ERC2: variants seen among roughly 807,000 people sequenced by gnomAD.
ERC2 encodes ERC protein 2.
ERC2 carries 42 observed loss-of-function variants against 114.8 expected under a neutral mutation model. The observed-to-expected ratio is 0.37, with a 90% confidence interval of 0.29 to 0.47. ERC2 has a LOEUF of 0.47. ERC2 is among the 20% of genes least tolerant of loss of function. ERC2 has a pLI of 0.99. For synonymous variants in ERC2, 454 were observed against 425.5 expected (o/e 1.07, Z -0.82); for missense variants, 939 against 1,150.7 (o/e 0.82, Z 2.66).
At chr3:56,073,240 G>A (rs2076822258) in intron 7 of ERC2, among the ~76,000 whole-genome samples, 1 of 152,136 alleles carries the variant, frequency 6.6e-6, no homozygotes, top group Non-Finnish European at 1.5e-5. Flanking sequence ...TCAAGGCAGG[G>A]GGCCTAGAGA....
At chr3:56,082,854 AT>A (rs2077309200) in intron 6 of ERC2, among the ~76,000 whole-genome samples, 1 of 152,014 alleles carries the variant, frequency 6.6e-6, no homozygotes, top group South Asian at 2.1e-4. Flanking sequence ...GTGACACTAG[AT>A]TTTCATAGAA....
intron 15 of ERC2, among the ~76,000 whole-genome samples, chr3:55,706,022 T>C (rs1163571611): frequency 6.6e-6 from 1 of 152,050 alleles, no homozygotes; most frequent in East Asian, 1.9e-4. Flanking sequence ...CTTGAGGTCT[T>C]GCTTTGGCCA....
At chr3:56,364,871 C>T (rs1420039519) in intron 2 of ERC2, among the ~76,000 whole-genome samples, 2 of 152,186 alleles carry the variant, frequency 1.3e-5, no homozygotes, top group Non-Finnish European at 2.9e-5. Flanking sequence ...CCTCTGGCCA[C>T]ATGAATGTCT....
At chr3:55,553,786 A>G (rs765514473) in intron 17 of ERC2, among the ~76,000 whole-genome samples, 48 of 152,122 alleles carry the variant, frequency 3.2e-4, no homozygotes, top group Admixed American at 6.5e-4. Flanking sequence ...TCTCAAAAAA[A>G]AAAGAAATGG....
At chr3:56,250,988 G>A (rs560762132) in intron 3 of ERC2, among the ~76,000 whole-genome samples, 1 of 152,168 alleles carries the variant, frequency 6.6e-6, no homozygotes, top group African/African-American at 2.4e-5. Context: ...GAACATGAAG[G>A]AGACTTTAAG....
chr3:56,455,189 A>G (rs895161519), intron 1 of ERC2, among the ~76,000 whole-genome samples: 1 of 151,990 alleles, frequency 6.6e-6, no homozygotes, highest in Non-Finnish European at 1.5e-5. Flanking sequence ...AATGGTTACA[A>G]TGGTAAATTT....
chr3:55,910,018 G>A (rs2064705799), intron 13 of ERC2, among the ~76,000 whole-genome samples: 1 of 152,078 alleles, frequency 6.6e-6, no homozygotes, highest in African/African-American at 2.4e-5. Context: ...TATGTATTCA[G>A]GTTGTTTTTT....
chr3:55,847,493 G>A (rs1381551505), intron 14 of ERC2, among the ~76,000 whole-genome samples: 1 of 152,132 alleles, frequency 6.6e-6, no homozygotes, highest in African/African-American at 2.4e-5. Context: ...AATAAATCAC[G>A]ATGCCACAGA....
rs1381399665 is a variant in ERC2 at position 55,888,502 on chromosome 3, A to C, written c.2451T>G (p.Asp817Glu). The change falls in exon 14 of 18, where the codon GAT (aspartate) becomes GAG (glutamate). Residue 817 changes from aspartate (D) to glutamate (E), a missense_variant. Asp to Glu is a conservative substitution (Grantham distance 45, BLOSUM62 2). This residue lies in a region of ERC2 where 328 missense variants were observed against 353.9 expected (regional missense o/e 0.93). Transcript: ENST00000288221. ...NALEKTRQEL[D>E]ATKARLASTQ... ...TGGAGGCGAGGCGTGCTTTGGTGGC[A>C]TCCAGTTCCTGTCTGGTCTTCTCCA... 1.2e-6 allele frequency: 2 copies of C among 1,613,892 alleles called. No individual in the cohort carries two copies. Among genetic ancestry groups the C allele is most frequent in the Non-Finnish European group, 8.5e-7 (1 of 1,179,834 alleles).
intron 7 of ERC2, among the ~76,000 whole-genome samples, chr3:56,020,939 G>A (rs1449462116): frequency 6.6e-6 from 1 of 152,152 alleles, no homozygotes; most frequent in Non-Finnish European, 1.5e-5. Flanking sequence ...CTACTGGCAT[G>A]CAGGTAGGGG....
intron 1 of ERC2, among the ~76,000 whole-genome samples, chr3:56,442,369 A>G (rs530158287): frequency 6.6e-6 from 1 of 151,992 alleles, no homozygotes; most frequent in Admixed American, 6.5e-5. Flanking sequence ...ACAAGCGCAC[A>G]CCCCCTCGCC....
intron 6 of ERC2, among the ~76,000 whole-genome samples, chr3:56,110,496 T>A (rs1267915196): frequency 6.6e-6 from 1 of 152,176 alleles, no homozygotes; most frequent in Non-Finnish European, 1.5e-5. Context: ...GACAAAAAGT[T>A]AAATTTAAAA....
In ERC2 at chr3:55,718,894, CA is replaced by C. The variant is rs1248856984; in HGVS notation, c.2712+15876del. On this transcript the variant is annotated intron_variant, in intron 15 of 17. Coordinates refer to ENST00000288221, the MANE Select transcript of ERC2 (RefSeq NM_015576.3). ...TGGTTTGTTTCAAAGAACATGTTCT[CA>C]GCTAAAGCCTGATTCTTTCTTCCTG... Among the ~76,000 whole-genome samples the C allele has an allele frequency of 4.6e-5, 7 of 152,326 alleles. No homozygotes were observed. The South Asian group carries it at 1.0e-3, about 23-fold the overall frequency.
At chr3:56,089,549 G>C (rs996775359) in intron 6 of ERC2, among the ~76,000 whole-genome samples, 4 of 151,722 alleles carry the variant, frequency 2.6e-5, no homozygotes, top group Non-Finnish European at 4.4e-5. Flanking sequence ...AAAATATTGA[G>C]ATACTCTACA....
chr3:56,203,601 G>T (rs1560366136), intron 3 of ERC2, among the ~76,000 whole-genome samples: 1 of 152,132 alleles, frequency 6.6e-6, no homozygotes, highest in Non-Finnish European at 1.5e-5. Context: ...TATCTAAATT[G>T]TGTTTATGAC....
chr3:56,069,964 T>C (rs1560120730), intron 7 of ERC2, among the ~76,000 whole-genome samples: 1 of 152,230 alleles, frequency 6.6e-6, no homozygotes, highest in Non-Finnish European at 1.5e-5. Context: ...ATCAGAACAG[T>C]AGAAAAATGC....
At chr3:56,282,436 A>C (rs568232796) in intron 3 of ERC2, among the ~76,000 whole-genome samples, 1 of 152,314 alleles carries the variant, frequency 6.6e-6, no homozygotes, top group East Asian at 1.9e-4. Flanking sequence ...GAAAGAAGGA[A>C]AGGAATTGGG....
At chr3:55,614,430 C>T (rs2059041732) in intron 17 of ERC2, among the ~76,000 whole-genome samples, 2 of 152,136 alleles carry the variant, frequency 1.3e-5, no homozygotes, top group African/African-American at 2.4e-5. Context: ...TCACTACTCT[C>T]CAGTTCTGCA....
chr3:55,662,267 C>T (rs2061169835), intron 17 of ERC2, among the ~76,000 whole-genome samples: 1 of 152,234 alleles, frequency 6.6e-6, no homozygotes, highest in Non-Finnish European at 1.5e-5. Context: ...GGCATATACA[C>T]AAAATTATTT....
Sources: gnomAD v4.1 joint callset for allele counts (sites outside exome capture counted in the v4.1 genomes callset) on GRCh38, gnomAD v4.1.1 for gene constraint, gnomAD v4.1.1 regional missense constraint, MANE v1.5 for transcripts, NCBI Gene and HGNC (gene_info 2026-07-23, HGNC 2026-07-21) for gene names.